The following ELL variants were observed in gnomAD, a reference collection of about 807,000 sequenced individuals.
ELL encodes elongation factor for RNA polymerase II, also known as RNA polymerase II elongation factor ELL.
A neutral mutation model predicts 64.0 loss-of-function variants in ELL; 18 were observed. The observed-to-expected ratio is 0.28, with a 90% CI of 0.19 to 0.42. The LOEUF (loss-of-function observed/expected upper bound fraction) is 0.42. Ranked by LOEUF, ELL falls within the 10% of genes least tolerant of loss-of-function variation. The pLI, the probability that ELL is intolerant of heterozygous loss-of-function variation, is 1.00. For synonymous variants in ELL, 399 were observed against 376.2 expected (o/e 1.06, Z -0.70); for missense variants, 797 against 870.4 (o/e 0.92, Z 1.06).
intron 1 of ELL, among the ~76,000 whole-genome samples, chr19:18,485,200 T>C (rs1975383432): frequency 6.6e-6 from 1 of 152,110 alleles, no homozygotes; most frequent in African/African-American, 2.4e-5. Flanking sequence ...CATGGGACTA[T>C]TTGGAGCCCA....
chr19:18,501,233 T>C lies in ELL; in HGVS notation c.135+20688A>G, dbSNP rs1213520291. Among the ~76,000 whole-genome samples the C allele has an allele frequency of 6.6e-6, 1 of 151,130 alleles. No homozygotes were observed. Among genetic ancestry groups the C allele is most frequent in the Non-Finnish European group, 1.5e-5 (1 of 67,780 alleles). Reference sequence around the variant, plus strand: ...CGCCAAACCACCCAATGGGAAACAGTGGTGAGCACAGCCATGGACCACAGA... The same window carrying C: ...CGCCAAACCACCCAATGGGAAACAGCGGTGAGCACAGCCATGGACCACAGA... On this transcript the variant is annotated intron_variant, in intron 1 of 11. Coordinates refer to ENST00000262809, the MANE Select transcript of ELL (RefSeq NM_006532.4). The surrounding 1 kb of genome is among the most constrained non-coding windows in gnomAD (Gnocchi z 4.5).
chr19:18,464,829 C>T (rs1172365819), intron 4 of ELL, among the ~76,000 whole-genome samples: 2 of 152,206 alleles, frequency 1.3e-5, no homozygotes, highest in African/African-American at 2.4e-5. Flanking sequence ...TTCCCACTGT[C>T]AAGGCCTGTT....
At chr19:18,480,637 T>C (rs867845310) in intron 1 of ELL, among the ~76,000 whole-genome samples, 2 of 152,280 alleles carry the variant, frequency 1.3e-5, no homozygotes, top group African/African-American at 4.8e-5. Context: ...GTATTTTTTT[T>C]CTTTCTTTCT....
rs1974323296 is a variant in ELL at position 18,442,848 on chromosome 19, G to C, written c.*1904C>G. ...AACACCAACCCCATGGCTCAAAATA[G>C]TTTTTCTCCACAGTACAACATTAAA... is the stretch of plus-strand genomic sequence containing the variant. On this transcript the variant is annotated 3_prime_UTR_variant, in exon 12 of 12. Coordinates refer to ENST00000262809, the MANE Select transcript of ELL (RefSeq NM_006532.4). 1 of 217,898 alleles carries C rather than the reference G, an allele frequency of 4.6e-6. No individual in the cohort carries two copies. Among genetic ancestry groups the C allele is most frequent in the African/African-American group, 2.4e-5 (1 of 42,542 alleles). The allele number at this position is 217,898 out of a possible 1,614,324, so 13.5% of individuals were successfully genotyped here.
At chr19:18,462,222 A>G (rs73923118) in intron 4 of ELL, among the ~76,000 whole-genome samples, 5,337 of 36,908 alleles carry the variant, frequency 0.14, 395 homozygotes, top group African/African-American at 0.46. Flanking sequence ...GTGTGTGTGT[A>G]TGTAATCACC....
At chr19:18,458,076 G>T in intron 6 of ELL, 129 bp downstream of exon 6, 1 of 1,498,488 alleles carries the variant, frequency 6.7e-7, no homozygotes, top group Non-Finnish European at 8.9e-7. Flanking sequence ...GGCCTACTTG[G>T]ACCCTTCCAT....
chr19:18,475,555 A>T (rs1975158187), intron 1 of ELL, among the ~76,000 whole-genome samples: 1 of 152,174 alleles, frequency 6.6e-6, no homozygotes, highest in Non-Finnish European at 1.5e-5. Flanking sequence ...TTATAGCAGA[A>T]TTATTTAGAG....
chr19:18,465,605 G>C, intron 3 of ELL, 30 bp from the exon 4 acceptor site: 2 of 1,560,668 alleles, frequency 1.3e-6, no homozygotes, highest in African/African-American at 2.7e-5. Context: ...GCTGGGGTCA[G>C]CAGCTGGGAC....
At chr19:18,448,283 G>A (rs1974457427) in intron 8 of ELL, 1 of 133,838 alleles carries the variant, frequency 7.5e-6, no homozygotes, top group Non-Finnish European at 1.5e-5. Context: ...GAGAGAGCAG[G>A]AGTCTGCGAT....
chr19:18,445,346 C>A, intron 10 of ELL, 78 bp from the exon 11 acceptor site: 2 of 1,229,002 alleles, frequency 1.6e-6, no homozygotes, highest in Non-Finnish European at 2.4e-6. Context: ...GTCCCAGGTG[C>A]TCTGAGAAGG....
At chr19:18,502,328 G>A (rs890459015) in intron 1 of ELL, among the ~76,000 whole-genome samples, 1 of 152,134 alleles carries the variant, frequency 6.6e-6, no homozygotes, top group African/African-American at 2.4e-5. Flanking sequence ...GCCATCATCC[G>A]TGGAGAGCAC....
chr19:18,517,960 C>T (rs746930438), intron 1 of ELL, among the ~76,000 whole-genome samples: 6 of 151,702 alleles, frequency 4.0e-5, no homozygotes, highest in African/African-American at 1.2e-4. Flanking sequence ...AAGGCTCACT[C>T]CTATAATCCC....
intron 3 of ELL, 33 bp from the exon 4 acceptor site, chr19:18,465,608 G>A (rs376401043): frequency 5.0e-4 from 783 of 1,558,090 alleles, no homozygotes; most frequent in Non-Finnish European, 6.0e-4. Context: ...GGGGTCAGCA[G>A]CTGGGACAAT....
intron 1 of ELL, among the ~76,000 whole-genome samples, chr19:18,475,642 T>G (rs990416296): frequency 2.0e-5 from 3 of 152,150 alleles, no homozygotes; most frequent in Non-Finnish European, 4.4e-5. Flanking sequence ...CAGAGGACCA[T>G]GCCAAGTGAA....
chr19:18,463,290 G>A (rs903803375), intron 4 of ELL, among the ~76,000 whole-genome samples: 1 of 151,822 alleles, frequency 6.6e-6, no homozygotes, highest in African/African-American at 2.4e-5. Flanking sequence ...ACCTGAGGGG[G>A]GCACTGTGAG....
chr19:18,506,028 CCCTCA>C (rs1975878642), intron 1 of ELL, among the ~76,000 whole-genome samples: 2 of 152,170 alleles, frequency 1.3e-5, no homozygotes, highest in African/African-American at 4.8e-5. Context: ...CCCATGCTGG[CCCTCA>C]GCCATCCCTG....
At chr19:18,478,753 G>A (rs1027217062) in intron 1 of ELL, among the ~76,000 whole-genome samples, 23 of 152,208 alleles carry the variant, frequency 1.5e-4, no homozygotes, top group African/African-American at 5.5e-4. Flanking sequence ...ACCCTGACTC[G>A]GAGAACAGAC....
At chr19:18,491,338 C>T (rs1238127678) in intron 1 of ELL, among the ~76,000 whole-genome samples, 2 of 134,144 alleles carry the variant, frequency 1.5e-5, no homozygotes, top group African/African-American at 5.4e-5. Flanking sequence ...GTCTTGAACT[C>T]CTGGGCTTTA....
intron 1 of ELL, among the ~76,000 whole-genome samples, chr19:18,506,859 C>A (rs1000808569): frequency 6.6e-6 from 1 of 152,196 alleles, no homozygotes; most frequent in African/African-American, 2.4e-5. Flanking sequence ...GCCAGGGACC[C>A]TGTCTCATTG....
Sources: gnomAD v4.1 joint callset for allele counts (sites outside exome capture counted in the v4.1 genomes callset) on GRCh38, gnomAD v4.1.1 for gene constraint, Gnocchi (gnomAD v3.1) non-coding constraint, MANE v1.5 for transcripts, NCBI Gene and HGNC (gene_info 2026-07-23, HGNC 2026-07-21) for gene names.